The following SYT9 variants were observed in gnomAD, a reference collection of about 807,000 sequenced individuals.
SYT9 encodes the protein synaptotagmin 9.
In SYT9, 22 loss-of-function variants were observed where a neutral mutation model predicts 48.4. The ratio of observed to expected loss-of-function variants is 0.45; its 90% CI spans 0.32 to 0.65. SYT9 has a LOEUF of 0.65. Ranked by LOEUF, SYT9 falls within the 30% of genes least tolerant of loss-of-function variation. The probability of loss-of-function intolerance (pLI) is 0.03; values close to 1 mark genes in which losing one functional copy is unlikely to be tolerated. For synonymous variants in SYT9, 265 were observed against 245.0 expected (o/e 1.08, Z -0.76); for missense variants, 577 against 622.0 (o/e 0.93, Z 0.77).
chr11:7,450,206 G>C (rs1226159644), intron 6 of SYT9, among the ~76,000 whole-genome samples: 2 of 152,198 alleles, frequency 1.3e-5, no homozygotes, highest in East Asian at 3.8e-4. Context: ...ATAACTGGCC[G>C]AGCTATCAGA....
intron 6 of SYT9, among the ~76,000 whole-genome samples, chr11:7,458,337 C>T (rs1025097777): frequency 5.1e-4 from 78 of 152,152 alleles, no homozygotes; most frequent in African/African-American, 1.6e-3. Flanking sequence ...AAAAATTAGC[C>T]GGGCATGGTG....
upstream of SYT9, among the ~76,000 whole-genome samples, chr11:7,251,439 TG>T (rs981001843): frequency 3.8e-4 from 58 of 152,256 alleles, no homozygotes; most frequent in African/African-American, 1.2e-3. Context: ...GGCCTGTGCT[TG>T]GGAAATCCTT....
At chr11:7,350,787 AAGAG>A (rs1166175550) in intron 3 of SYT9, among the ~76,000 whole-genome samples, 2 of 152,224 alleles carry the variant, frequency 1.3e-5, no homozygotes, top group South Asian at 4.1e-4. Flanking sequence ...GTGATGTAGA[AAGAG>A]AGAGAAAATA....
chr11:7,432,439 C>G (rs1348247256), intron 6 of SYT9, among the ~76,000 whole-genome samples: 1 of 149,366 alleles, frequency 6.7e-6, no homozygotes, highest in Non-Finnish European at 1.5e-5. Flanking sequence ...CCCAGCTACT[C>G]GGGAGGCTGA....
chr11:7,390,853 G>A (rs921745862), intron 3 of SYT9, among the ~76,000 whole-genome samples: 4 of 152,056 alleles, frequency 2.6e-5, no homozygotes, highest in African/African-American at 7.2e-5. Flanking sequence ...GATATCGGGG[G>A]TACATGTGCA....
intron 3 of SYT9, among the ~76,000 whole-genome samples, chr11:7,354,280 A>T (rs1240990972): frequency 6.6e-6 from 1 of 152,198 alleles, no homozygotes. Flanking sequence ...AGTGATCCAC[A>T]TAAAAATCAC....
At chr11:7,430,179 A>C (rs1847543336) in intron 6 of SYT9, among the ~76,000 whole-genome samples, 1 of 152,222 alleles carries the variant, frequency 6.6e-6, no homozygotes. Context: ...ACTCAAATGT[A>C]TATTTAAAGT....
chr11:7,365,960 T>C (rs141343970), intron 3 of SYT9, among the ~76,000 whole-genome samples: 2 of 152,324 alleles, frequency 1.3e-5, no homozygotes, highest in African/African-American at 2.4e-5. Flanking sequence ...ACCCCTGTTC[T>C]GCTGATGTAC....
chr11:7,406,309 A>G (rs1472718813), intron 3 of SYT9, among the ~76,000 whole-genome samples: 4 of 151,746 alleles, frequency 2.6e-5, no homozygotes, highest in Non-Finnish European at 4.4e-5. Context: ...CAACTTCCCT[A>G]TATCCCACCT....
chr11:7,276,360 A>C (rs1848393306), intron 1 of SYT9, among the ~76,000 whole-genome samples: 2 of 152,126 alleles, frequency 1.3e-5, no homozygotes, highest in Admixed American at 6.5e-5. Context: ...GTTTTTAACC[A>C]CCCAAATCCA....
In SYT9 at chr11:7,404,449, G is replaced by T. The variant is rs1410202619; in HGVS notation, c.1045-11593G>T. On this transcript the variant is annotated intron_variant, in intron 3 of 6. Transcript: ENST00000318881. The stretch of plus-strand genomic sequence containing the variant: ...ATCATTGATTTCGTCTCCTTTTTTG[G>T]TTTATTAGCTATAACTCCTTGTTTT... Among the ~76,000 whole-genome samples, 8 of 151,226 alleles carry T rather than the reference G, an allele frequency of 5.3e-5. 1 individual carries two copies. Among genetic ancestry groups the T allele is most frequent in the Admixed American group, 4.6e-4 (7 of 15,180 alleles).
intron 3 of SYT9, among the ~76,000 whole-genome samples, chr11:7,326,782 C>T (rs1262910790): frequency 2.3e-5 from 3 of 130,116 alleles, no homozygotes; most frequent in Non-Finnish European, 4.8e-5. Context: ...CTACAACTAT[C>T]TGATCTTTGA....
chr11:7,386,470 A>G (rs1236318586), intron 3 of SYT9, among the ~76,000 whole-genome samples: 1 of 151,830 alleles, frequency 6.6e-6, no homozygotes, highest in African/African-American at 2.4e-5. Context: ...AAACAACCCC[A>G]TCAAAAAGTG....
chr11:7,243,847 T>C (rs1049465976), intron 1 of SYT9, among the ~76,000 whole-genome samples: 2 of 152,182 alleles, frequency 1.3e-5, no homozygotes, highest in Admixed American at 1.3e-4. Context: ...CTCTTCTCTC[T>C]TTGGAGCATC....
chr11:7,302,976 C>A, intron 1 of SYT9, 63 bp from the exon 2 acceptor site: 2 of 1,461,372 alleles, frequency 1.4e-6, no homozygotes, highest in South Asian at 1.2e-5. Context: ...TCTGCCCACG[C>A]TGTGCAATGG....
chr11:7,348,375 C>T (rs1849841201), intron 3 of SYT9, among the ~76,000 whole-genome samples: 1 of 152,172 alleles, frequency 6.6e-6, no homozygotes. Flanking sequence ...AGAATCTAAT[C>T]CATCGTTCAT....
At chr11:7,417,060 T>C (rs970174645) in intron 4 of SYT9, among the ~76,000 whole-genome samples, 1 of 152,130 alleles carries the variant, frequency 6.6e-6, no homozygotes, top group Non-Finnish European at 1.5e-5. Context: ...CCTCTGCAGG[T>C]GTTTCCCAAA....
At chr11:7,298,134 T>C (rs1320736956) in intron 1 of SYT9, among the ~76,000 whole-genome samples, 1 of 152,194 alleles carries the variant, frequency 6.6e-6, no homozygotes, top group Non-Finnish European at 1.5e-5. Flanking sequence ...CTGGAAAATT[T>C]AAATATTAGA....
intron 3 of SYT9, among the ~76,000 whole-genome samples, chr11:7,410,188 C>G (rs1847109426): frequency 6.6e-6 from 1 of 152,046 alleles, no homozygotes; most frequent in Non-Finnish European, 1.5e-5. Flanking sequence ...TTGTTTTATT[C>G]CATTGTGACC....
Sources: allele counts gnomAD v4.1 joint callset (sites outside exome capture counted in the v4.1 genomes callset), GRCh38; gene constraint gnomAD v4.1.1; transcripts MANE v1.5; gene names NCBI Gene and HGNC (gene_info 2026-07-23, HGNC 2026-07-21).